MAPK10: variants seen among roughly 807,000 people sequenced by gnomAD.
MAPK10 encodes mitogen-activated protein kinase 10.
MAPK10 carries 25 observed loss-of-function variants against 59.3 expected under a neutral mutation model. That is an observed-to-expected ratio of 0.42 (90% CI 0.31 to 0.59). The LOEUF is 0.59. Among genes scored for constraint, MAPK10 ranks in the 20% least tolerant of loss-of-function variants. MAPK10 has a pLI of 0.15. For missense variants in MAPK10, 351 were observed against 568.9 expected (o/e 0.62, Z 3.90); for synonymous variants, 190 against 200.5 (o/e 0.95, Z 0.44).
chr4:86,358,097 G>A (rs755038142), intron 1 of MAPK10: 15 of 985,270 alleles, frequency 1.5e-5, no homozygotes, highest in Non-Finnish European at 1.7e-5. Context: ...CAGCCAAACC[G>A]CTACATCCAA....
chr4:86,041,221 AG>A (rs2041455503), intron 11 of MAPK10, among the ~76,000 whole-genome samples: 1 of 152,224 alleles, frequency 6.6e-6, no homozygotes, highest in Non-Finnish European at 1.5e-5. Flanking sequence ...GACAAAAACA[AG>A]CAATGGGGAA....
intron 3 of MAPK10, chr4:86,191,602 T>G (rs1435734610): frequency 1.5e-5 from 2 of 132,628 alleles, no homozygotes; most frequent in African/African-American, 6.1e-5. Context: ...TGCTTTCCAT[T>G]TGTTTAGTAA....
chr4:86,245,392 G>A (rs1305254418), intron 2 of MAPK10, among the ~76,000 whole-genome samples: 1 of 150,768 alleles, frequency 6.6e-6, no homozygotes, highest in Non-Finnish European at 1.5e-5. Context: ...GCTCACTGCA[G>A]CCTCTGCCTT....
At chr4:86,343,012 A>G (rs1208769097) in intron 2 of MAPK10, among the ~76,000 whole-genome samples, 9 of 152,080 alleles carry the variant, frequency 5.9e-5, no homozygotes, top group South Asian at 2.1e-4. Context: ...TCTGGCCCCA[A>G]TCTATTTTCC....
chr4:86,573,984 C>T lies in MAPK10; in HGVS notation c.-263+19926G>A, dbSNP rs1012907256. Among the ~76,000 whole-genome samples the T allele has an allele frequency of 2.0e-5, 3 of 152,158 alleles. No individual in the cohort carries two copies. The South Asian group carries it at 6.2e-4, about 32-fold the overall frequency. On this transcript the variant is annotated intron_variant, in intron 1 of 4. Coordinates refer to the MAPK10 transcript ENST00000502302. Reference sequence around the variant, plus strand: ...GTTAGTTACATATGTATACAGGTGCCATGCTGCTGTGCTGCACCCATTAAC... The same window carrying T: ...GTTAGTTACATATGTATACAGGTGCTATGCTGCTGTGCTGCACCCATTAAC...
chr4:86,298,012 T>C (rs2095401454), intron 2 of MAPK10, among the ~76,000 whole-genome samples: 1 of 152,194 alleles, frequency 6.6e-6, no homozygotes, highest in Non-Finnish European at 1.5e-5. Flanking sequence ...TCCATTTGCA[T>C]TAGAGCCTTT....
chr4:86,494,670 C>T (rs939152353), intron 1 of MAPK10, among the ~76,000 whole-genome samples: 3 of 151,446 alleles, frequency 2.0e-5, no homozygotes, highest in Non-Finnish European at 2.9e-5. Flanking sequence ...ATGGAAACCC[C>T]GTCTCTACTG....
intron 1 of MAPK10, among the ~76,000 whole-genome samples, chr4:86,531,958 G>A (rs937084551): frequency 6.6e-6 from 1 of 151,856 alleles, no homozygotes; most frequent in Non-Finnish European, 1.5e-5. Context: ...GGGAGCTGAG[G>A]TAGAAGGATT....
chr4:86,463,601 A>G (rs547474251), intron 1 of MAPK10, among the ~76,000 whole-genome samples: 1 of 152,212 alleles, frequency 6.6e-6, no homozygotes, highest in South Asian at 2.1e-4. Flanking sequence ...CCTTACTCCT[A>G]CTTGGGGACC....
intron 4 of MAPK10, among the ~76,000 whole-genome samples, chr4:86,110,485 G>A (rs1038816753): frequency 6.6e-6 from 1 of 152,030 alleles, no homozygotes; most frequent in Non-Finnish European, 1.5e-5. Flanking sequence ...AATAGGGAAT[G>A]CTTTCCCCAT....
intron 2 of MAPK10, among the ~76,000 whole-genome samples, chr4:86,203,006 T>A (rs1251698836): frequency 2.0e-5 from 3 of 151,974 alleles, no homozygotes; most frequent in Admixed American, 6.6e-5. Flanking sequence ...GCCCATTGTA[T>A]AGAAACAACA....
At chr4:86,500,263 T>C (rs1456965017) in intron 1 of MAPK10, among the ~76,000 whole-genome samples, 2 of 152,168 alleles carry the variant, frequency 1.3e-5, no homozygotes, top group Non-Finnish European at 2.9e-5. Context: ...TGAATCCACT[T>C]ATGGGAGAAG....
intron 1 of MAPK10, among the ~76,000 whole-genome samples, chr4:86,557,336 A>G (rs1018760836): frequency 8.5e-5 from 13 of 152,114 alleles, no homozygotes; most frequent in African/African-American, 2.9e-4. Flanking sequence ...GTACTTTTAC[A>G]GCCCAACCCA....
intron 2 of MAPK10, among the ~76,000 whole-genome samples, chr4:86,296,659 A>T (rs112949211): frequency 2.0e-5 from 3 of 152,352 alleles, no homozygotes; most frequent in African/African-American, 7.2e-5. Context: ...GATAAAACTC[A>T]TGCCACAGAC....
chr4:86,441,436 G>A (rs921094271), intron 1 of MAPK10, among the ~76,000 whole-genome samples: 8 of 152,268 alleles, frequency 5.3e-5, no homozygotes, highest in East Asian at 1.9e-4. Context: ...TTTGCATTGC[G>A]TAGTTACAGA....
chr4:86,150,628 G>T (rs573520308), intron 4 of MAPK10, among the ~76,000 whole-genome samples: 1 of 152,108 alleles, frequency 6.6e-6, no homozygotes, highest in Non-Finnish European at 1.5e-5. Flanking sequence ...TTGGGAGGCC[G>T]AGACGGGCAG....
Position 86,136,601 on chromosome 4 carries a change from C to T in MAPK10, c.236+22697G>A, listed in dbSNP as rs533669656. On this transcript the variant is annotated intron_variant, in intron 4 of 13. Coordinates refer to ENST00000641462, the MANE Select transcript of MAPK10 (RefSeq NM_138982.4). ...AATCATGCCAAAATGTAAAGACCACCGAGACTAGGAAGAAACTGCATCAAC... is the reference window on the plus strand; with the variant it reads ...AATCATGCCAAAATGTAAAGACCACTGAGACTAGGAAGAAACTGCATCAAC... Among the ~76,000 whole-genome samples the T allele has an allele frequency of 6.0e-5, 9 of 150,662 alleles. No individual in the cohort carries two copies. In the South Asian group the frequency reaches 1.2e-3, roughly 21 times the overall value.
intron 13 of MAPK10, among the ~76,000 whole-genome samples, chr4:86,022,043 G>C (rs190770075): frequency 6.6e-5 from 10 of 152,350 alleles, no homozygotes; most frequent in African/African-American, 1.9e-4. Context: ...GGCCAGCCCA[G>C]AAAGGGGCTC....
chr4:86,424,097 T>C (rs1334607192), intron 1 of MAPK10, among the ~76,000 whole-genome samples: 1 of 152,158 alleles, frequency 6.6e-6, no homozygotes, highest in Admixed American at 6.5e-5. Context: ...ATAATATGTA[T>C]GGTGATGTTC....
Sources: allele counts gnomAD v4.1 joint callset (sites outside exome capture counted in the v4.1 genomes callset), GRCh38; gene constraint gnomAD v4.1.1; transcripts MANE v1.5; gene names NCBI Gene and HGNC (gene_info 2026-07-23, HGNC 2026-07-21).